Variants in C10orf90 observed in about 807,000 individuals in gnomAD.
C10orf90 encodes the protein (E2-independent) E3 ubiquitin-conjugating enzyme FATS.
Under a neutral mutation model 62.5 loss-of-function variants are expected in C10orf90, and 56 were observed. The ratio of observed to expected loss-of-function variants is 0.90; its 90% CI spans 0.72 to 1.12. The LOEUF (loss-of-function observed/expected upper bound fraction) is 1.12, where lower values mean the gene tolerates loss of function less well. Ranked by LOEUF, C10orf90 falls within the 50% of genes most tolerant of loss-of-function variation. C10orf90 has a pLI of 0.00. For synonymous variants in C10orf90, 386 were observed against 340.4 expected, an observed-to-expected ratio of 1.13 and a Z score of -1.47; for missense variants, 970 against 880.4, an observed-to-expected ratio of 1.10 and a Z score of -1.29.
rs141290816 is a variant in C10orf90, at chr10:126,663,196, A to G, written c.240+7045T>C. ...AAAGCTGCGGAGGGACAAATGTCTCAATCAGAAGGAAAGAGAAAGAGCACC... is the reference window on the plus strand; with the variant it reads ...AAAGCTGCGGAGGGACAAATGTCTCGATCAGAAGGAAAGAGAAAGAGCACC... On this transcript the variant is annotated intron_variant, in intron 1 of 9. Coordinates refer to ENST00000488181, the MANE Select transcript of C10orf90 (RefSeq NM_001350921.2). 1.9e-3 allele frequency among the ~76,000 whole-genome samples: 295 copies of G among 152,276 alleles called. 3 individuals carry two copies. The highest frequency in any genetic ancestry group is 6.4e-3 in the African/African-American group (268 of 41,558).
intron 1 of C10orf90, among the ~76,000 whole-genome samples, chr10:126,655,829 C>CA (rs1409509485): frequency 3.4e-5 from 3 of 87,552 alleles, no homozygotes; most frequent in South Asian, 7.5e-4. Context: ...AGAGACAAAA[C>CA]AAAACAAAAC....
intron 2 of C10orf90, among the ~76,000 whole-genome samples, chr10:126,535,630 A>G (rs1203041047): frequency 6.6e-6 from 1 of 152,170 alleles, no homozygotes; most frequent in Non-Finnish European, 1.5e-5. Flanking sequence ...GTACCCTAGA[A>G]CTTAATGTAT....
intron 2 of C10orf90, among the ~76,000 whole-genome samples, chr10:126,637,433 T>C (rs1845973958): frequency 6.6e-6 from 1 of 152,194 alleles, no homozygotes; most frequent in Admixed American, 6.5e-5. Flanking sequence ...GGCACAGCAC[T>C]GAGACTGGCA....
At chr10:126,485,352 G>A (rs1455842798) in intron 4 of C10orf90, among the ~76,000 whole-genome samples, 1 of 152,176 alleles carries the variant, frequency 6.6e-6, no homozygotes, top group Non-Finnish European at 1.5e-5. Context: ...CTGTGTTATA[G>A]CAGCATTAAT....
chr10:126,648,841 T>C (rs1846222083), intron 1 of C10orf90, among the ~76,000 whole-genome samples: 1 of 152,112 alleles, frequency 6.6e-6, no homozygotes, highest in Non-Finnish European at 1.5e-5. Context: ...TTATGCATAT[T>C]TTTAATGTAA....
chr10:126,425,651 C>T lies in C10orf90; in HGVS notation c.*213G>A. 2.2e-5 allele frequency: 13 copies of T among 594,314 alleles called. No homozygotes were observed. In the South Asian group the frequency reaches 2.6e-4, roughly 12 times the overall value. The allele number at this position is 594,314 out of a possible 1,614,324, so 36.8% of individuals were successfully genotyped here. A position where few individuals can be genotyped will look rare whatever the true frequency, so the allele number is the denominator to read the frequency against. Reference sequence around the variant, plus strand: ...GTGGGTTACATGGAGGTGGTTTCCCCACAACAGATTGTTGACCTATTTTCT... The same window carrying T: ...GTGGGTTACATGGAGGTGGTTTCCCTACAACAGATTGTTGACCTATTTTCT... On this transcript the variant is annotated 3_prime_UTR_variant, in exon 10 of 10. Coordinates refer to ENST00000488181, the MANE Select transcript of C10orf90 (RefSeq NM_001350921.2).
At chr10:126,529,695 G>A (rs1429971999) in intron 2 of C10orf90, among the ~76,000 whole-genome samples, 8 of 152,220 alleles carry the variant, frequency 5.3e-5, no homozygotes, top group South Asian at 2.1e-4. Flanking sequence ...ACCCAGATTG[G>A]CAAAAAATCA....
rs895045093 is a variant in C10orf90 at position 126,453,823 on chromosome 10, A to G, written c.2188+5217T>C. 3.9e-5 allele frequency among the ~76,000 whole-genome samples: 6 copies of G among 152,206 alleles called. No homozygotes were observed. Among genetic ancestry groups the G allele is most frequent in the South Asian group, 2.1e-4 (1 of 4,826 alleles). On this transcript the variant is annotated intron_variant, in intron 7 of 9. Transcript: ENST00000488181. This position sits in a 1 kb window ranked among gnomAD's most constrained non-coding sequence, Gnocchi z 4.9. Reference sequence around the variant, plus strand: ...GGCTTGCAAGGTTAGGCAGGATTTTATAGCACAGAGAGGAGGAACAGACAG... The same window carrying G: ...GGCTTGCAAGGTTAGGCAGGATTTTGTAGCACAGAGAGGAGGAACAGACAG...
rs1429842777 is a variant in C10orf90, at chr10:126,619,858, C to G, written c.313+26707G>C. 2.0e-5 allele frequency among the ~76,000 whole-genome samples: 3 copies of G among 152,120 alleles called. No homozygotes were observed. In the East Asian group the frequency reaches 5.8e-4, roughly 29 times the overall value. Reference sequence around the variant, plus strand: ...GTTTTGCCATGTTGCCCAAGCTGGACTCGAGCTCCTGGGATCCGCCCACCT... The same window carrying G: ...GTTTTGCCATGTTGCCCAAGCTGGAGTCGAGCTCCTGGGATCCGCCCACCT... On this transcript the variant is annotated intron_variant, in intron 2 of 9. Coordinates refer to ENST00000488181, the MANE Select transcript of C10orf90 (RefSeq NM_001350921.2).
At chr10:126,515,230 T>C (rs1863371301) in intron 2 of C10orf90, among the ~76,000 whole-genome samples, 1 of 152,172 alleles carries the variant, frequency 6.6e-6, no homozygotes, top group Admixed American at 6.5e-5. Context: ...TGTAGTATAA[T>C]TGTTTGTTTA....
chr10:126,540,665 TAAAAAAAAAA>T (rs59077222), intron 2 of C10orf90, among the ~76,000 whole-genome samples: 1 of 134,746 alleles, frequency 7.4e-6, no homozygotes, highest in African/African-American at 2.8e-5. Context: ...AGACCTTGTC[TAAAAAAAAAA>T]AAAAAAAAAG....
At chr10:126,438,677 TCA>T (rs1414006547) in intron 7 of C10orf90, among the ~76,000 whole-genome samples, 2 of 152,222 alleles carry the variant, frequency 1.3e-5, no homozygotes, top group East Asian at 3.9e-4. Flanking sequence ...TAACTAGTTC[TCA>T]GTTTTCAAAA....
Position 126,458,573 on chromosome 10 carries a change from C to T in C10orf90, c.2188+467G>A, listed in dbSNP as rs12265510. On this transcript the variant is annotated intron_variant, in intron 7 of 9. Coordinates refer to ENST00000488181, the MANE Select transcript of C10orf90 (RefSeq NM_001350921.2). ...CCTCACAGGATCAGTGTGACACTGG[C>T]CTCACAGTGCTGGGAAGCCAGCCAT... is the stretch of plus-strand genomic sequence containing the variant. Among the ~76,000 whole-genome samples, 731 of 152,284 alleles carry T rather than the reference C, an allele frequency of 4.8e-3. 8 individuals are homozygous for T. Among genetic ancestry groups the T allele is most frequent in the African/African-American group, 0.016 (677 of 41,554 alleles).
chr10:126,461,379 C>A (rs1389887356), intron 6 of C10orf90, 22 bp downstream of exon 6: 2 of 1,610,786 alleles, frequency 1.2e-6, no homozygotes, highest in Admixed American at 1.7e-5. Context: ...GGAATCAAGC[C>A]AGGACACACA....
chr10:126,466,250 A>T (rs1189459702), intron 4 of C10orf90, among the ~76,000 whole-genome samples: 1 of 152,032 alleles, frequency 6.6e-6, no homozygotes, highest in Non-Finnish European at 1.5e-5. Flanking sequence ...GAATAACAAA[A>T]GTTATAAGAA....
At chr10:126,648,231 T>C (rs1349998325) in intron 1 of C10orf90, among the ~76,000 whole-genome samples, 1 of 152,058 alleles carries the variant, frequency 6.6e-6, no homozygotes, top group Non-Finnish European at 1.5e-5. Context: ...CAGATTGTAG[T>C]AAGGATGTAC....
chr10:126,617,911 A>G (rs1485460065), intron 2 of C10orf90, among the ~76,000 whole-genome samples: 1 of 152,234 alleles, frequency 6.6e-6, no homozygotes, highest in African/African-American at 2.4e-5. Context: ...ATCCATGAGC[A>G]ATAAATGTTA....
Position 126,464,945 on chromosome 10 carries a change from C to T in C10orf90, c.1576G>A (p.Gly526Arg), listed in dbSNP as rs924674363. 1.4e-5 allele frequency: 22 copies of T among 1,597,218 alleles called. No individual in the cohort carries two copies. The highest frequency in any genetic ancestry group is 2.6e-6 in the Non-Finnish European group (3 of 1,165,912). Residue 526 changes from glycine (G) to arginine (R), a missense_variant, in exon 5 of 10, where the codon GGA becomes AGA. By Grantham distance (125) the Gly-to-Arg change is moderately radical. Coordinates refer to ENST00000488181, the MANE Select transcript of C10orf90 (RefSeq NM_001350921.2). ...VFSGSSKRQQ[G>R]EVCMTVSAPP... ...GCAGACACAGTCATACATACTTCTC[C>T]TTGTTGCCTCTTGCTGCTTCCAGAA...
chr10:126,566,878 G>T (rs1029330933), intron 2 of C10orf90, among the ~76,000 whole-genome samples: 1 of 152,154 alleles, frequency 6.6e-6, no homozygotes, highest in African/African-American at 2.4e-5. Flanking sequence ...AGACAGGTGG[G>T]GGAGGGACTT....
Sources: gnomAD v4.1 joint callset for allele counts (sites outside exome capture counted in the v4.1 genomes callset) on GRCh38, gnomAD v4.1.1 for gene constraint, Gnocchi (gnomAD v3.1) non-coding constraint, MANE v1.5 for transcripts, NCBI Gene and HGNC (gene_info 2026-07-23, HGNC 2026-07-21) for gene names.